The following LANCL1 variants were observed in gnomAD, a reference collection of about 807,000 sequenced individuals.
LANCL1 encodes LanC like glutathione S-transferase 1.
A neutral mutation model predicts 50.6 loss-of-function variants in LANCL1; 50 were observed. That is an observed-to-expected ratio of 0.99 (90% CI 0.79 to 1.25). The LOEUF is 1.25. Ranked by LOEUF, LANCL1 falls within the 50% of genes most tolerant of loss-of-function variation. The pLI, the probability that LANCL1 is intolerant of heterozygous loss-of-function variation, is 0.00. For synonymous variants in LANCL1, 188 were observed against 178.6 expected (o/e 1.05, Z -0.42); for missense variants, 532 against 480.7 (o/e 1.11, Z -1.00).
At chr2:210,449,070 T>G (rs1405595570) in intron 4 of LANCL1, among the ~76,000 whole-genome samples, 1 of 152,114 alleles carries the variant, frequency 6.6e-6, no homozygotes, top group African/African-American at 2.4e-5. Flanking sequence ...TTCAGGCCAA[T>G]ATCCCTGAAA....
At chr2:210,458,534 G>C (rs1040241535) in intron 3 of LANCL1, among the ~76,000 whole-genome samples, 1 of 152,208 alleles carries the variant, frequency 6.6e-6, no homozygotes, top group African/African-American at 2.4e-5. Flanking sequence ...TTCAGGAGTA[G>C]GAGCGAGACA....
intron 4 of LANCL1, among the ~76,000 whole-genome samples, chr2:210,453,681 G>A (rs1322665409): frequency 6.6e-6 from 1 of 152,138 alleles, no homozygotes; most frequent in Non-Finnish European, 1.5e-5. Flanking sequence ...AGTATCTTGT[G>A]GACCTCTAAA....
intron 2 of LANCL1, among the ~76,000 whole-genome samples, chr2:210,474,755 T>TAAATAAATAAAC (rs1415691104): frequency 1.4e-3 from 214 of 151,480 alleles, no homozygotes; most frequent in South Asian, 6.0e-3. Context: ...AATAAATAAA[T>TAAATAAATAAAC]AAATAAAGGG....
chr2:210,472,418 C>T (rs1317597690), intron 2 of LANCL1, among the ~76,000 whole-genome samples: 2 of 152,090 alleles, frequency 1.3e-5, no homozygotes, highest in African/African-American at 4.8e-5. Context: ...AAGCACAAAT[C>T]AGATGTTTGG....
chr2:210,437,127 C>T (rs1167158523), intron 7 of LANCL1, among the ~76,000 whole-genome samples: 1 of 152,010 alleles, frequency 6.6e-6, no homozygotes, highest in African/African-American at 2.4e-5. Flanking sequence ...GATTGCAGTT[C>T]TGTGAAGGCA....
chr2:210,469,285 G>A (rs1225756573), intron 3 of LANCL1: 3 of 152,126 alleles, frequency 2.0e-5, no homozygotes, highest in Non-Finnish European at 2.9e-5. Flanking sequence ...GGAGGAGAAG[G>A]TATTAACACT....
At chr2:210,463,638 T>C (rs1044811020) in intron 3 of LANCL1, among the ~76,000 whole-genome samples, 1 of 152,210 alleles carries the variant, frequency 6.6e-6, no homozygotes, top group African/African-American at 2.4e-5. Context: ...ATTATTCTTT[T>C]TTTGAACATT....
upstream of LANCL1, among the ~76,000 whole-genome samples, chr2:210,477,177 A>G (rs1453273281): frequency 1.3e-5 from 2 of 151,964 alleles, no homozygotes; most frequent in Admixed American, 1.3e-4. Context: ...AAGCACCACC[A>G]TCATTAACAA....
At chr2:210,444,222 C>T (rs1449676858) in intron 4 of LANCL1, among the ~76,000 whole-genome samples, 1 of 152,034 alleles carries the variant, frequency 6.6e-6, no homozygotes, top group African/African-American at 2.4e-5. Flanking sequence ...AAACAAAATC[C>T]CAAGCAAACA....
intron 9 of LANCL1, 100 bp from the exon 10 acceptor site, chr2:210,434,663 G>A (rs1481149765): frequency 9.8e-6 from 9 of 922,210 alleles, no homozygotes; most frequent in Non-Finnish European, 1.5e-5. Context: ...AAAAGTCACA[G>A]CATTTCAGTC....
At chr2:210,475,163 GA>G (rs950629836) in intron 2 of LANCL1, among the ~76,000 whole-genome samples, 1 of 151,796 alleles carries the variant, frequency 6.6e-6, no homozygotes, top group African/African-American at 2.4e-5. Context: ...GTGTTTTAAG[GA>G]AAAAAACAAC....
At chr2:210,459,846 TAG>T (rs1471148413) in intron 3 of LANCL1, among the ~76,000 whole-genome samples, 1 of 151,724 alleles carries the variant, frequency 6.6e-6, no homozygotes, top group African/African-American at 2.4e-5. Flanking sequence ...AGCTGTGAAC[TAG>T]ATTTTTTTTT....
At chr2:210,472,201 A>C (rs563249387) in intron 2 of LANCL1, 125 bp from the exon 3 acceptor site, 1 of 619,698 alleles carries the variant, frequency 1.6e-6, no homozygotes, top group Admixed American at 2.7e-5. Flanking sequence ...CTGGAAGACT[A>C]AACAATTTAT....
rs764656829 is a variant in LANCL1, at chr2:210,433,907, T to C, written c.*580A>G. On this transcript the variant is annotated 3_prime_UTR_variant, in exon 10 of 10. Coordinates refer to ENST00000450366, the MANE Select transcript of LANCL1 (RefSeq NM_006055.3). ...AAAGTATGTTTACCTCTAGTCCAAA[T>C]AGGCATCAAGAATTTAAAAAATGAT... 2 of 152,186 alleles carry C rather than the reference T, an allele frequency of 1.3e-5. No homozygotes were observed. The highest frequency in any genetic ancestry group is 2.9e-5 in the Non-Finnish European group (2 of 68,022). 9.4% of individuals were successfully genotyped at this position (152,186 alleles called of 1,614,324 possible).
At chr2:210,472,349 C>A (rs1190760769) in intron 2 of LANCL1, among the ~76,000 whole-genome samples, 1 of 152,128 alleles carries the variant, frequency 6.6e-6, no homozygotes, top group Non-Finnish European at 1.5e-5. Context: ...TAATTTTCCA[C>A]CTAATAGTAA....
At chr2:210,439,568 T>G (rs1273974051) in intron 6 of LANCL1, among the ~76,000 whole-genome samples, 1 of 152,176 alleles carries the variant, frequency 6.6e-6, no homozygotes, top group Non-Finnish European at 1.5e-5. Flanking sequence ...GAAATTTAAG[T>G]CTAAATGTCA....
intron 2 of LANCL1, among the ~76,000 whole-genome samples, chr2:210,474,964 A>C (rs1694316670): frequency 6.6e-6 from 1 of 152,188 alleles, no homozygotes; most frequent in Non-Finnish European, 1.5e-5. Context: ...CAAATGGCCA[A>C]AGGGAATCCA....
At chr2:210,457,901 G>C (rs1693718385) in intron 3 of LANCL1, among the ~76,000 whole-genome samples, 1 of 152,192 alleles carries the variant, frequency 6.6e-6, no homozygotes, top group African/African-American at 2.4e-5. Flanking sequence ...CTGGATTTTA[G>C]CTGGGCACAG....
chr2:210,441,562 A>G, intron 4 of LANCL1, 119 bp from the exon 5 acceptor site: 1 of 733,704 alleles, frequency 1.4e-6, no homozygotes, highest in Non-Finnish European at 2.2e-6. Context: ...ATACATATAT[A>G]ATATCTATTT....
Sources: allele counts gnomAD v4.1 joint callset (sites outside exome capture counted in the v4.1 genomes callset), GRCh38; gene constraint gnomAD v4.1.1; transcripts MANE v1.5; gene names NCBI Gene and HGNC (gene_info 2026-07-23, HGNC 2026-07-21).